Variants in ZFHX3 observed in about 807,000 individuals in gnomAD.
ZFHX3 encodes zinc finger homeobox 3.
Under a neutral mutation model 279.1 loss-of-function variants are expected in ZFHX3, and 42 were observed. The observed-to-expected ratio is 0.15, with a 90% CI of 0.12 to 0.19. ZFHX3 has a LOEUF of 0.19. Among genes scored for constraint, ZFHX3 ranks in the 10% least tolerant of loss-of-function variants. The pLI, the probability that ZFHX3 is intolerant of heterozygous loss-of-function variation, is 1.00. For synonymous variants in ZFHX3, 2,293 were observed against 1,957.8 expected, an observed-to-expected ratio of 1.17 and a Z score of -4.52; for missense variants, 4,981 against 4,754.0, an observed-to-expected ratio of 1.05 and a Z score of -1.40.
intron 2 of ZFHX3, among the ~76,000 whole-genome samples, chr16:73,588,448 A>G (rs2051950346): frequency 6.6e-6 from 1 of 152,086 alleles, no homozygotes; most frequent in Non-Finnish European, 1.5e-5. Flanking sequence ...GCACTTTGGG[A>G]GGCCGAGACA....
rs1379074308 is a variant in ZFHX3 at position 72,967,733 on chromosome 16, G to A, written c.-49-7539C>T. 2.0e-5 allele frequency among the ~76,000 whole-genome samples: 3 copies of A among 150,220 alleles called. No individual in the cohort carries two copies. In the East Asian group the frequency reaches 5.9e-4, roughly 30 times the overall value. ...TAATCGAGACCATCCTGGCTAACAC[G>A]GTGAAACCCCGTCTCTACTAAAAAT... On this transcript the variant is annotated intron_variant, in intron 1 of 9. Transcript: ENST00000268489.
intron 4 of ZFHX3, among the ~76,000 whole-genome samples, chr16:72,880,982 A>T (rs906029260): frequency 5.3e-5 from 8 of 152,216 alleles, no homozygotes; most frequent in Admixed American, 5.2e-4. Context: ...AGAGAGAAAG[A>T]TCAGCAAGAA....
chr16:72,893,227 T>A (rs909340387), intron 3 of ZFHX3, among the ~76,000 whole-genome samples: 12 of 152,192 alleles, frequency 7.9e-5, no homozygotes, highest in African/African-American at 2.9e-4. Context: ...TCAAGAGATT[T>A]TGGAGGTAGA....
At chr16:73,244,648 C>T (rs2013226907) in intron 5 of ZFHX3, among the ~76,000 whole-genome samples, 1 of 152,218 alleles carries the variant, frequency 6.6e-6, no homozygotes, top group Non-Finnish European at 1.5e-5. Context: ...AGCCCCATGT[C>T]CAGCGGGATC....
At chr16:73,183,485 T>G (rs1473335803) in intron 5 of ZFHX3, among the ~76,000 whole-genome samples, 1 of 152,166 alleles carries the variant, frequency 6.6e-6, no homozygotes, top group Non-Finnish European at 1.5e-5. Flanking sequence ...GGTGGGTGTT[T>G]CTTTGTGTTT....
chr16:73,062,256 A>G (rs904763348), upstream of ZFHX3: 11 of 152,346 alleles, frequency 7.2e-5, no homozygotes, highest in African/African-American at 2.6e-4. Flanking sequence ...TCAAATGGAT[A>G]TAGATATAAA....
At chr16:73,025,065 G>A (rs1283337712) in intron 1 of ZFHX3, among the ~76,000 whole-genome samples, 1 of 152,216 alleles carries the variant, frequency 6.6e-6, no homozygotes, top group Non-Finnish European at 1.5e-5. Context: ...TTTTTATGGA[G>A]AGGAGAAAGT....
chr16:73,343,788 G>A (rs1298805356), intron 3 of ZFHX3, among the ~76,000 whole-genome samples: 1 of 152,134 alleles, frequency 6.6e-6, no homozygotes, highest in Non-Finnish European at 1.5e-5. Flanking sequence ...GGGACAATTT[G>A]GGTATCAAAA....
intron 1 of ZFHX3, among the ~76,000 whole-genome samples, chr16:73,726,071 C>A (rs2053516044): frequency 6.6e-6 from 1 of 152,134 alleles, no homozygotes; most frequent in Non-Finnish European, 1.5e-5. Flanking sequence ...AATGATTAGC[C>A]ATGGAGAGGA....
Position 73,037,999 on chromosome 16 carries a change from GC to G in ZFHX3, c.-50+9752del, listed in dbSNP as rs576763962. Among the ~76,000 whole-genome samples, 70 of 152,294 alleles carry G rather than the reference GC, an allele frequency of 4.6e-4. No homozygotes were observed. The East Asian group carries it at 0.011, about 24-fold the overall frequency. On this transcript the variant is annotated intron_variant, in intron 1 of 9. Coordinates refer to ENST00000268489, the MANE Select transcript of ZFHX3 (RefSeq NM_006885.4). Reference sequence around the variant, plus strand: ...AAAATACTCTTCACCTTATCTTTAAGCCCAGTCAAACACACACATACATCAC... The same window carrying G: ...AAAATACTCTTCACCTTATCTTTAAGCCAGTCAAACACACACATACATCAC...
intron 4 of ZFHX3, among the ~76,000 whole-genome samples, chr16:73,300,208 C>G (rs557082476): frequency 1.8e-4 from 27 of 147,726 alleles, no homozygotes; most frequent in South Asian, 4.4e-4. Flanking sequence ...AGGCTGTGGT[C>G]ACCTAGAATG....
At chr16:73,595,753 T>G (rs115608219) in intron 2 of ZFHX3, among the ~76,000 whole-genome samples, 317 of 152,190 alleles carry the variant, frequency 2.1e-3, no homozygotes, top group African/African-American at 7.3e-3. Flanking sequence ...TTACCATCTT[T>G]CCCCTCAATA....
At chr16:73,604,206 C>A (rs2052154351) in intron 2 of ZFHX3, among the ~76,000 whole-genome samples, 1 of 151,962 alleles carries the variant, frequency 6.6e-6, no homozygotes, top group Non-Finnish European at 1.5e-5. Flanking sequence ...TGGAATAGTA[C>A]CTCTAGTGGC....
At chr16:73,847,698 C>T (rs1374183586) in intron 1 of ZFHX3, among the ~76,000 whole-genome samples, 4 of 151,794 alleles carry the variant, frequency 2.6e-5, no homozygotes, top group African/African-American at 7.3e-5. Flanking sequence ...ATAGGAAGTG[C>T]CCAGTTCAGT....
chr16:73,148,397 G>T (rs1966877811), intron 5 of ZFHX3, among the ~76,000 whole-genome samples: 1 of 152,066 alleles, frequency 6.6e-6, no homozygotes, highest in African/African-American at 2.4e-5. Context: ...ATCTATGGTT[G>T]GTAGAAATTC....
chr16:72,999,096 C>G (rs1332474059), intron 1 of ZFHX3, among the ~76,000 whole-genome samples: 1 of 152,178 alleles, frequency 6.6e-6, no homozygotes, highest in Non-Finnish European at 1.5e-5. Context: ...GTCACATGTA[C>G]GCTACAGACA....
intron 4 of ZFHX3, among the ~76,000 whole-genome samples, chr16:72,835,453 A>T (rs191837023): frequency 6.6e-6 from 1 of 152,234 alleles, no homozygotes. Flanking sequence ...TTAAAAGCTC[A>T]TCTTTCCTGG....
intron 3 of ZFHX3, among the ~76,000 whole-genome samples, chr16:73,341,246 C>A (rs1237113974): frequency 6.6e-6 from 1 of 152,068 alleles, no homozygotes; most frequent in Non-Finnish European, 1.5e-5. Flanking sequence ...GAGGCTGAGG[C>A]AGGAGAATTG....
chr16:73,879,575 C>A (rs2030075150), intron 1 of ZFHX3, among the ~76,000 whole-genome samples: 1 of 152,106 alleles, frequency 6.6e-6, no homozygotes, highest in Non-Finnish European at 1.5e-5. Flanking sequence ...CCAGTTAAGG[C>A]AGGCAATAGT....
Sources: allele counts gnomAD v4.1 joint callset (sites outside exome capture counted in the v4.1 genomes callset), GRCh38; gene constraint gnomAD v4.1.1; transcripts MANE v1.5; gene names NCBI Gene and HGNC (gene_info 2026-07-23, HGNC 2026-07-21).